BOK: variants seen among roughly 807,000 people sequenced by gnomAD.
The protein encoded by BOK is BCL2 family apoptosis regulator BOK.
BOK carries 20 observed loss-of-function variants against 18.3 expected under a neutral mutation model. The observed-to-expected ratio is 1.09, with a 90% CI of 0.77 to 1.59. The LOEUF (loss-of-function observed/expected upper bound fraction) is 1.59. BOK is among the 40% of genes most tolerant of loss of function. BOK has a pLI of 0.00. For missense variants in BOK, 348 were observed against 307.9 expected, an observed-to-expected ratio of 1.13 and a Z score of -0.97; for synonymous variants, 173 against 142.4, an observed-to-expected ratio of 1.21 and a Z score of -1.53.
Position 241,567,553 on chromosome 2 carries a change from C to T in BOK, c.350-2572C>T, listed in dbSNP as rs1255241844. On this transcript the variant is annotated intron_variant, in intron 3 of 4. Coordinates refer to ENST00000318407, the MANE Select transcript of BOK (RefSeq NM_032515.5). ...CTTGAAGGAGGAACAGCCCCACGTGCTGGGGAAGTGCAGCGGGTAGAGCAG... is the reference window on the plus strand; with the variant it reads ...CTTGAAGGAGGAACAGCCCCACGTGTTGGGGAAGTGCAGCGGGTAGAGCAG... Among the ~76,000 whole-genome samples the T allele has an allele frequency of 1.5e-5, 2 of 135,186 alleles. 1 individual carries two copies. Among genetic ancestry groups the T allele is most frequent in the African/African-American group, 5.8e-5 (2 of 34,526 alleles). The allele number at this position is 135,186 out of a possible 152,430, so 88.7% of individuals were successfully genotyped here. A position where few individuals can be genotyped will look rare whatever the true frequency, so the allele number is the denominator to read the frequency against.
chr2:241,565,530 C>CT (rs1251153886), intron 3 of BOK, among the ~76,000 whole-genome samples: 1 of 151,924 alleles, frequency 6.6e-6, no homozygotes, highest in African/African-American at 2.4e-5. Flanking sequence ...GCCTCCCTGC[C>CT]TGAGGCCCCT....
chr2:241,556,281 G>T (rs1426446370), upstream of BOK, among the ~76,000 whole-genome samples: 1 of 152,198 alleles, frequency 6.6e-6, no homozygotes, highest in Non-Finnish European at 1.5e-5. Context: ...ACATGACATG[G>T]ATTAAGAATT....
upstream of BOK, among the ~76,000 whole-genome samples, chr2:241,554,244 G>A (rs146119690): frequency 3.5e-3 from 536 of 152,308 alleles, 1 homozygote; most frequent in Non-Finnish European, 6.1e-3. Context: ...GGACCAGGGT[G>A]GGGGAGGCAA....
At chr2:241,559,830 G>A in intron 2 of BOK, 127 bp downstream of exon 2, 2 of 1,112,056 alleles carry the variant, frequency 1.8e-6, no homozygotes, top group Non-Finnish European at 2.3e-6. Flanking sequence ...CCAGGCGCTC[G>A]GGACAGGGCC....
chr2:241,554,861 G>C (rs930058878), upstream of BOK, among the ~76,000 whole-genome samples: 2 of 152,206 alleles, frequency 1.3e-5, no homozygotes, highest in African/African-American at 2.4e-5. Context: ...TGGTGGGCTG[G>C]TATCAGCGCT....
intron 1 of BOK, among the ~76,000 whole-genome samples, chr2:241,553,015 G>C (rs62191730): frequency 6.6e-6 from 1 of 152,148 alleles, no homozygotes; most frequent in African/African-American, 2.4e-5. Flanking sequence ...TGGGTGGAGA[G>C]GCCAGTCCAG....
chr2:241,560,399 G>C, intron 2 of BOK: 1 of 658,618 alleles, frequency 1.5e-6, no homozygotes, highest in Non-Finnish European at 1.9e-6. Flanking sequence ...GGCTGAGCCC[G>C]GGAAGGGGAG....
intron 4 of BOK, 135 bp downstream of exon 4, chr2:241,570,423 G>A (rs113305588): frequency 2.4e-4 from 90 of 367,488 alleles, no homozygotes; most frequent in Middle Eastern, 6.4e-4. Context: ...ACAGACGTAC[G>A]GGAGGGAGTG....
At chr2:241,569,893 C>A (rs992672175) in intron 3 of BOK, among the ~76,000 whole-genome samples, 1 of 152,200 alleles carries the variant, frequency 6.6e-6, no homozygotes, top group Non-Finnish European at 1.5e-5. Flanking sequence ...GTTGTCCCTG[C>A]GGCCTCCTGC....
rs999044702 is a variant in BOK at position 241,558,966 on chromosome 2, C to T, written c.-57C>T. 1 of 151,776 alleles carries T rather than the reference C, an allele frequency of 6.6e-6. No individual in the cohort carries two copies. The highest frequency in any genetic ancestry group is 1.5e-5 in the Non-Finnish European group (1 of 67,896). 9.4% of individuals were successfully genotyped at this position (151,776 alleles called of 1,614,324 possible). A position where few individuals can be genotyped will look rare whatever the true frequency, so the allele number is the denominator to read the frequency against. On this transcript the variant is annotated 5_prime_UTR_variant, in exon 1 of 5. Transcript: ENST00000318407. ...CAGATCCTGAAGCCAGAACTCCACC[C>T]CGGCGCCCGCGCCATGCGGCGGGAG...
Position 241,572,623 on chromosome 2 carries a change from C to A in BOK, c.*201C>A. ...GGGCTTTCCTGAGCCTGGAGCTGGG[C>A]TTTGGGGCAGCCTGCGACCCTCCCC... On this transcript the variant is annotated 3_prime_UTR_variant, in exon 5 of 5. Transcript: ENST00000318407. 1.3e-6 allele frequency: 1 copy of A among 759,254 alleles called. No individual in the cohort carries two copies. Among genetic ancestry groups the A allele is most frequent in the Non-Finnish European group, 2.1e-6 (1 of 482,916 alleles). 47.0% of individuals were successfully genotyped at this position (759,254 alleles called of 1,614,324 possible). A position where few individuals can be genotyped will look rare whatever the true frequency, so the allele number is the denominator to read the frequency against.
chr2:241,570,260 C>A lies in BOK; in HGVS notation c.485C>A (p.Ala162Glu), dbSNP rs1490929720. 1 of 1,577,864 alleles carries A rather than the reference C, an allele frequency of 6.3e-7. No homozygotes were observed. The highest frequency in any genetic ancestry group is 1.4e-5 in the African/African-American group (1 of 73,924). Residue 162 changes from alanine (A) to glutamate (E), a missense_variant, in exon 4 of 5, where the codon GCA becomes GAA. Transcript: ENST00000318407. ...CLGEFVRKTL[A>E]TWLRRRGGWT... Reference sequence around the variant, plus strand: ...GGGGAGTTCGTGCGCAAGACCCTGGCAACCTGGCTGCGGAGACGCGGCGGA... The same window carrying A: ...GGGGAGTTCGTGCGCAAGACCCTGGAAACCTGGCTGCGGAGACGCGGCGGA...
upstream of BOK, among the ~76,000 whole-genome samples, chr2:241,555,866 G>C (rs2066446980): frequency 6.6e-6 from 1 of 152,204 alleles, no homozygotes; most frequent in Non-Finnish European, 1.5e-5. Context: ...GGAAGTATGA[G>C]TTCATTCTGC....
At chr2:241,555,668 C>A (rs561472365), upstream of BOK, among the ~76,000 whole-genome samples, 2 of 152,336 alleles carry the variant, frequency 1.3e-5, no homozygotes, top group East Asian at 3.9e-4. Flanking sequence ...TGAGCCACCA[C>A]GCCTGGCACA....
chr2:241,560,607 G>T (rs1312353206), intron 2 of BOK, among the ~76,000 whole-genome samples: 4 of 152,106 alleles, frequency 2.6e-5, no homozygotes, highest in South Asian at 2.1e-4. Context: ...AGTGTGTGTG[G>T]GGTGCAGACA....
In BOK at chr2:241,570,376, G is replaced by T; in HGVS notation, c.513+88G>T. The T allele has an allele frequency of 2.6e-6, 3 of 1,148,346 alleles. No individual in the cohort carries two copies. The South Asian group carries it at 4.6e-5, about 17-fold the overall frequency. 71.1% of individuals were successfully genotyped at this position (1,148,346 alleles called of 1,614,324 possible). On this transcript the variant is annotated intron_variant, in intron 4 of 4. Transcript: ENST00000318407. ...GGGAGTGGTGGATGGGTGAGCCTCT[G>T]AGCGCCTGGGGGGTGGGAGAGCTGG...
upstream of BOK, among the ~76,000 whole-genome samples, chr2:241,557,500 G>C (rs575527175): frequency 4.0e-5 from 6 of 151,804 alleles, no homozygotes; most frequent in African/African-American, 1.2e-4. Context: ...TAGTAGAGAC[G>C]GGGTTTTCAC....
intron 2 of BOK, among the ~76,000 whole-genome samples, chr2:241,561,487 G>A (rs1656674126): frequency 9.1e-6 from 1 of 109,796 alleles, no homozygotes; most frequent in African/African-American, 3.7e-5. Flanking sequence ...CCAGGACAGG[G>A]GCCCAGCCAG....
upstream of BOK, among the ~76,000 whole-genome samples, chr2:241,554,981 G>C (rs2066439677): frequency 6.6e-6 from 1 of 152,162 alleles, no homozygotes; most frequent in African/African-American, 2.4e-5. Flanking sequence ...TGCAGAGACA[G>C]AAAATCAGGG....
Sources: allele counts gnomAD v4.1 joint callset (sites outside exome capture counted in the v4.1 genomes callset), GRCh38; gene constraint gnomAD v4.1.1; transcripts MANE v1.5; gene names NCBI Gene and HGNC (gene_info 2026-07-23, HGNC 2026-07-21).